PDE11A: variants seen among roughly 807,000 people sequenced by gnomAD.
PDE11A encodes the protein dual 3',5'-cyclic-AMP and -GMP phosphodiesterase 11A.
Under a neutral mutation model 100.5 loss-of-function variants are expected in PDE11A, and 100 were observed. The ratio of observed to expected loss-of-function variants is 1.00; its 90% confidence interval spans 0.85 to 1.18. The LOEUF (loss-of-function observed/expected upper bound fraction) is 1.18. Ranked by LOEUF, PDE11A falls within the 50% of genes most tolerant of loss-of-function variation. PDE11A has a pLI of 0.00. For synonymous variants in PDE11A, 381 were observed against 420.8 expected (o/e 0.91, Z 1.16); for missense variants, 1,141 against 1,152.6 (o/e 0.99, Z 0.15).
chr2:178,022,849 G>T (rs924797209), intron 1 of PDE11A, among the ~76,000 whole-genome samples: 4 of 152,292 alleles, frequency 2.6e-5, no homozygotes, highest in South Asian at 4.1e-4. Context: ...TTAAAATCTG[G>T]AATGAGCTGT....
At chr2:177,845,812 T>G (rs542146839) in intron 5 of PDE11A, among the ~76,000 whole-genome samples, 3 of 152,168 alleles carry the variant, frequency 2.0e-5, no homozygotes, top group African/African-American at 7.2e-5. Context: ...GTGGATCACT[T>G]GCGGTTAGGG....
At chr2:177,962,955 G>A (rs777222119) in intron 2 of PDE11A, among the ~76,000 whole-genome samples, 7 of 152,016 alleles carry the variant, frequency 4.6e-5, no homozygotes, top group Non-Finnish European at 7.4e-5. Flanking sequence ...GTTATTTCCC[G>A]AAGATCAAAG....
At chr2:177,829,201 G>A (rs1300499187) in intron 6 of PDE11A, among the ~76,000 whole-genome samples, 1 of 152,060 alleles carries the variant, frequency 6.6e-6, no homozygotes, top group Non-Finnish European at 1.5e-5. Flanking sequence ...GGCTTGGGGG[G>A]CAGGAGACTG....
chr2:177,831,285 C>T (rs571433815), intron 6 of PDE11A, among the ~76,000 whole-genome samples: 3 of 152,310 alleles, frequency 2.0e-5, no homozygotes, highest in Admixed American at 2.0e-4. Context: ...TTAAAGACAT[C>T]CCTTTGTAGC....
At chr2:177,869,417 C>G (rs1457229347) in intron 5 of PDE11A, among the ~76,000 whole-genome samples, 1 of 152,116 alleles carries the variant, frequency 6.6e-6, no homozygotes, top group Admixed American at 6.6e-5. Flanking sequence ...GACATTTGGC[C>G]CTGTCTATAT....
chr2:177,865,720 A>C (rs984507053), intron 5 of PDE11A, among the ~76,000 whole-genome samples: 2 of 152,252 alleles, frequency 1.3e-5, no homozygotes, highest in African/African-American at 2.4e-5. Context: ...AATAGTGAAA[A>C]CATTATGTTA....
chr2:177,932,154 GAT>G (rs1259300466), intron 2 of PDE11A, among the ~76,000 whole-genome samples: 1 of 151,966 alleles, frequency 6.6e-6, no homozygotes, highest in Non-Finnish European at 1.5e-5. Flanking sequence ...CAATATCTGA[GAT>G]AGAATCAGTA....
intron 2 of PDE11A, among the ~76,000 whole-genome samples, chr2:177,925,191 C>T (rs1002192759): frequency 8.6e-5 from 13 of 151,234 alleles, no homozygotes; most frequent in African/African-American, 2.7e-4. Flanking sequence ...AATAAACATA[C>T]GTGTGCATGT....
intron 2 of PDE11A, among the ~76,000 whole-genome samples, chr2:177,993,508 T>C (rs34510795): frequency 0.056 from 8,458 of 152,298 alleles, 295 homozygotes; most frequent in South Asian, 0.093. Context: ...AAAATAAGGC[T>C]TGTGCAGCCT....
At chr2:178,022,979 T>C (rs1015364370) in intron 1 of PDE11A, among the ~76,000 whole-genome samples, 1 of 152,252 alleles carries the variant, frequency 6.6e-6, no homozygotes, top group African/African-American at 2.4e-5. Flanking sequence ...ATGCCTTTTA[T>C]GCAGATCTGT....
intron 10 of PDE11A, among the ~76,000 whole-genome samples, chr2:177,764,727 C>G (rs1274753776): frequency 6.6e-6 from 1 of 152,144 alleles, no homozygotes; most frequent in African/African-American, 2.4e-5. Context: ...ATATAACTTT[C>G]TTATTTCAAG....
intron 4 of PDE11A, among the ~76,000 whole-genome samples, chr2:177,882,060 G>T (rs1015515219): frequency 6.6e-6 from 1 of 152,190 alleles, no homozygotes; most frequent in Non-Finnish European, 1.5e-5. Flanking sequence ...AGGGTAAGTG[G>T]TAAGAGATAT....
chr2:177,653,265 G>A (rs1258659880), intron 19 of PDE11A, among the ~76,000 whole-genome samples: 1 of 152,164 alleles, frequency 6.6e-6, no homozygotes, highest in East Asian at 1.9e-4. Flanking sequence ...TTAGATTTCA[G>A]CCATGGATTC....
chr2:177,668,132 A>G (rs2080617090), intron 18 of PDE11A, among the ~76,000 whole-genome samples: 1 of 152,166 alleles, frequency 6.6e-6, no homozygotes, highest in African/African-American at 2.4e-5. Flanking sequence ...AATTAATTTC[A>G]TTTATGTCTA....
intron 10 of PDE11A, among the ~76,000 whole-genome samples, chr2:177,767,769 C>T (rs1266472067): frequency 1.3e-5 from 2 of 152,130 alleles, no homozygotes; most frequent in African/African-American, 2.4e-5. Context: ...ATTCACTTTT[C>T]CATTCATTCA....
chr2:177,793,928 C>A (rs1280285237), intron 9 of PDE11A, among the ~76,000 whole-genome samples: 1 of 152,216 alleles, frequency 6.6e-6, no homozygotes, highest in Non-Finnish European at 1.5e-5. Flanking sequence ...AAACACAATG[C>A]CTTTAAACAT....
rs116222479 is a variant in PDE11A, at chr2:177,703,839, T to A, written c.2154-2628A>T. ...TACACCATGGCTTCTGAGGCACTGC[T>A]CCTTCCTGTGCGTAGGATGGAGGCC... On this transcript the variant is annotated intron_variant, in intron 13 of 19. Transcript: ENST00000286063. 2.6e-3 allele frequency among the ~76,000 whole-genome samples: 403 copies of A among 152,304 alleles called. 2 individuals carry two copies. Among genetic ancestry groups the A allele is most frequent in the Middle Eastern group, 0.01 (3 of 294 alleles).
chr2:178,049,846 G>A (rs947186436), intron 1 of PDE11A, among the ~76,000 whole-genome samples: 6 of 152,138 alleles, frequency 3.9e-5, no homozygotes, highest in African/African-American at 9.7e-5. Flanking sequence ...TAAACAAAGC[G>A]GCCAGGAAGC....
chr2:177,845,216 C>T lies in PDE11A; in HGVS notation c.1368-4833G>A, dbSNP rs1334930682. Among the ~76,000 whole-genome samples, 94 of 150,214 alleles carry T rather than the reference C, an allele frequency of 6.3e-4. 1 individual carries two copies. Among genetic ancestry groups the T allele is most frequent in the African/African-American group, 1.0e-3 (42 of 40,674 alleles). On this transcript the variant is annotated intron_variant, in intron 5 of 19. Coordinates refer to ENST00000286063, the MANE Select transcript of PDE11A (RefSeq NM_016953.4). ...GGACGGGGTGGCTGCCGGGCGGAGACGCTCCTCACTTCCCAGATGGGGTGG... is the reference window on the plus strand; with the variant it reads ...GGACGGGGTGGCTGCCGGGCGGAGATGCTCCTCACTTCCCAGATGGGGTGG...
Sources: allele counts gnomAD v4.1 joint callset (sites outside exome capture counted in the v4.1 genomes callset), GRCh38; gene constraint gnomAD v4.1.1; transcripts MANE v1.5; gene names NCBI Gene and HGNC (gene_info 2026-07-23, HGNC 2026-07-21).